FAT3: variants seen among roughly 807,000 people sequenced by gnomAD.
The protein encoded by FAT3 is protocadherin Fat 3.
A neutral mutation model predicts 310.2 loss-of-function variants in FAT3; 95 were observed. The ratio of observed to expected loss-of-function variants is 0.31; its 90% CI spans 0.26 to 0.36. FAT3 has a LOEUF of 0.36. Among genes scored for constraint, FAT3 ranks in the 10% least tolerant of loss-of-function variants. The pLI is 1.00. For missense variants in FAT3, 5,408 were observed against 5,715.6 expected, an observed-to-expected ratio of 0.95 and a Z score of 1.74; for synonymous variants, 2,314 against 2,192.9, an observed-to-expected ratio of 1.06 and a Z score of -1.54.
In FAT3 at chr11:92,641,939, A is replaced by G. The variant is rs934538932; in HGVS notation, c.3608-55445A>G. On this transcript the variant is annotated intron_variant, in intron 3 of 27. Coordinates refer to ENST00000525166, the MANE Select transcript of FAT3 (RefSeq NM_001367949.2). The stretch of plus-strand genomic sequence containing the variant: ...TACCAAATGCTACTGGAATGTTGAG[A>G]TCTCTGCAACATGAGGTTGAAGGGA... Among the ~76,000 whole-genome samples, 5 of 152,366 alleles carry G rather than the reference A, an allele frequency of 3.3e-5. No individual in the cohort carries two copies. The South Asian group carries it at 8.3e-4, about 25-fold the overall frequency.
intron 2 of FAT3, among the ~76,000 whole-genome samples, chr11:92,431,481 A>G (rs1215452274): frequency 6.6e-6 from 1 of 152,132 alleles, no homozygotes; most frequent in Non-Finnish European, 1.5e-5. Context: ...CTCTGATGGT[A>G]GTTTCTTTTG....
intron 19 of FAT3, among the ~76,000 whole-genome samples, chr11:92,849,869 T>C (rs937393520): frequency 6.6e-6 from 1 of 152,122 alleles, no homozygotes; most frequent in Non-Finnish European, 1.5e-5. Context: ...CCATGGAGCA[T>C]GAAACAGCAT....
intron 2 of FAT3, among the ~76,000 whole-genome samples, chr11:92,441,700 C>T (rs960353805): frequency 7.9e-5 from 12 of 152,136 alleles, no homozygotes; most frequent in African/African-American, 2.7e-4. Flanking sequence ...CTGTTTAAAA[C>T]ACCACAAAAC....
chr11:92,798,893 A>C lies in FAT3; in HGVS notation c.5880A>C (p.Gly1960=). ...TGCTGATAGTTAAGGTGTCTGATGG[A>C]AAGTTCTACAGTACCTCCATGGTCA... ...HYMLIVKVSD[G]KFYSTSMVTI... Residue 1960 remains glycine, a synonymous_variant, in exon 10 of 28, where the codon GGA becomes GGC. Coordinates refer to ENST00000525166, the MANE Select transcript of FAT3 (RefSeq NM_001367949.2). 3.7e-6 allele frequency: 6 copies of C among 1,613,984 alleles called. No homozygotes were observed. Among genetic ancestry groups the C allele is most frequent in the Non-Finnish European group, 3.4e-6 (4 of 1,179,876 alleles).
At chr11:92,753,798 G>GTGTGTATATATATATATATA in intron 4 of FAT3, among the ~76,000 whole-genome samples, 24 of 119,182 alleles carry the variant, frequency 2.0e-4, no homozygotes, top group African/African-American at 9.3e-4. Context: ...GTGTGTGTGT[G>GTGTGTATATATATATATATA]TATATATATA....
intron 1 of FAT3, among the ~76,000 whole-genome samples, chr11:92,236,988 G>GT (rs1186931227): frequency 6.6e-6 from 1 of 151,522 alleles, no homozygotes; most frequent in Non-Finnish European, 1.5e-5. Context: ...TGTAAATCCC[G>GT]TTTTTTCCCT....
chr11:92,708,391 G>A (rs923740689), intron 4 of FAT3, among the ~76,000 whole-genome samples: 20 of 152,158 alleles, frequency 1.3e-4, no homozygotes, highest in African/African-American at 4.8e-4. Flanking sequence ...TAATGCACAA[G>A]ATATGGAGAC....
rs967812351 is a variant in FAT3 at position 92,671,032 on chromosome 11, GTTTTTGTTTTTTGT to G, written c.3608-26339_3608-26326del. ...TGACACCATCACTCCTTGGCTCACGGTTTTTGTTTTTTGTTTTTTGTTTTTTTTTTAAGACAGAG... is the reference window on the plus strand; with the variant it reads ...TGACACCATCACTCCTTGGCTCACGGTTTTTGTTTTTTTTTTAAGACAGAG... On this transcript the variant is annotated intron_variant, in intron 3 of 27. Coordinates refer to ENST00000525166, the MANE Select transcript of FAT3 (RefSeq NM_001367949.2). Among the ~76,000 whole-genome samples, 91 of 151,942 alleles carry G rather than the reference GTTTTTGTTTTTTGT, an allele frequency of 6.0e-4. 2 individuals carry two copies. The highest frequency in any genetic ancestry group is 2.1e-3 in the African/African-American group (89 of 41,448).
intron 19 of FAT3, 48 bp downstream of exon 19, chr11:92,844,780 G>A: frequency 6.9e-7 from 1 of 1,448,424 alleles, no homozygotes; most frequent in Non-Finnish European, 9.2e-7. Context: ...GATTGTAGGA[G>A]TAGAATGAGT....
At chr11:92,686,247 A>G (rs1021250890) in intron 3 of FAT3, among the ~76,000 whole-genome samples, 5 of 152,208 alleles carry the variant, frequency 3.3e-5, no homozygotes, top group Admixed American at 6.5e-5. Flanking sequence ...CAGGAAACAC[A>G]TATTTACTGC....
intron 3 of FAT3, among the ~76,000 whole-genome samples, chr11:92,676,861 C>A (rs745672348): frequency 4.3e-4 from 65 of 152,142 alleles, no homozygotes; most frequent in Non-Finnish European, 2.9e-4. Context: ...CATTTATATC[C>A]ATTCTCTCAA....
chr11:92,333,014 G>A (rs972466103), intron 1 of FAT3, among the ~76,000 whole-genome samples: 1 of 152,094 alleles, frequency 6.6e-6, no homozygotes, highest in Non-Finnish European at 1.5e-5. Flanking sequence ...ACAACAGTGG[G>A]GTTTAAGTGA....
intron 19 of FAT3, among the ~76,000 whole-genome samples, chr11:92,854,346 G>GAGCTGTGGCTGGGC (rs1948914786): frequency 6.6e-6 from 1 of 152,132 alleles, no homozygotes; most frequent in Admixed American, 6.5e-5. Context: ...CCCAGGTCCA[G>GAGCTGTGGCTGGGC]AGCTGTGGCT....
chr11:92,604,468 A>G (rs1940181110), intron 3 of FAT3, among the ~76,000 whole-genome samples: 1 of 152,202 alleles, frequency 6.6e-6, no homozygotes, highest in Non-Finnish European at 1.5e-5. Context: ...CTCCCTGGGT[A>G]GTCTCCAGTC....
At chr11:92,714,599 A>G (rs1944618486) in intron 4 of FAT3, among the ~76,000 whole-genome samples, 1 of 152,210 alleles carries the variant, frequency 6.6e-6, no homozygotes. Context: ...GAAAGAAATC[A>G]AAAGGTCCTG....
chr11:92,697,520 C>T, intron 4 of FAT3, 75 bp downstream of exon 4: 2 of 1,332,568 alleles, frequency 1.5e-6, no homozygotes, highest in Non-Finnish European at 2.2e-6. Flanking sequence ...ACATAAACTA[C>T]ACCTTCAATA....
intron 3 of FAT3, among the ~76,000 whole-genome samples, chr11:92,683,718 C>A (rs1943552052): frequency 6.6e-6 from 1 of 152,158 alleles, no homozygotes; most frequent in African/African-American, 2.4e-5. Flanking sequence ...TATTTTAAAA[C>A]CTAAGCCCAA....
chr11:92,385,380 A>AT (rs1048535703), intron 2 of FAT3, among the ~76,000 whole-genome samples: 1 of 151,858 alleles, frequency 6.6e-6, no homozygotes, highest in Non-Finnish European at 1.5e-5. Flanking sequence ...TATTTTATTT[A>AT]TTTTTGAGAC....
intron 2 of FAT3, among the ~76,000 whole-genome samples, chr11:92,464,179 A>C (rs1591323669): frequency 1.3e-5 from 2 of 152,258 alleles, no homozygotes; most frequent in East Asian, 3.9e-4. Flanking sequence ...CCTAGTCCAA[A>C]CTGGTGGAGG....
Sources: gnomAD v4.1 joint callset for allele counts (sites outside exome capture counted in the v4.1 genomes callset) on GRCh38, gnomAD v4.1.1 for gene constraint, MANE v1.5 for transcripts, NCBI Gene and HGNC (gene_info 2026-07-23, HGNC 2026-07-21) for gene names.